The following DLGAP2 variants were observed in gnomAD, a reference collection of about 807,000 sequenced individuals.
DLGAP2 encodes disks large-associated protein 2.
In DLGAP2, 26 loss-of-function variants were observed where a neutral mutation model predicts 100.3. The observed-to-expected ratio is 0.26, with a 90% CI of 0.19 to 0.36. DLGAP2 has a LOEUF of 0.36. DLGAP2 is among the 10% of genes least tolerant of loss of function. The pLI, the probability that DLGAP2 is intolerant of heterozygous loss-of-function variation, is 1.00. For missense variants in DLGAP2, 1,858 were observed against 1,453.2 expected (o/e 1.28, Z -4.53); for synonymous variants, 886 against 630.1 (o/e 1.41, Z -6.08).
intron 3 of DLGAP2, among the ~76,000 whole-genome samples, chr8:1,382,193 C>T (rs955700050): frequency 6.6e-6 from 1 of 152,166 alleles, no homozygotes. Context: ...TGTATTCATA[C>T]AGTAAAGTAA....
intron 3 of DLGAP2, among the ~76,000 whole-genome samples, chr8:1,436,219 C>A (rs551159506): frequency 6.6e-6 from 1 of 152,198 alleles, no homozygotes; most frequent in Non-Finnish European, 1.5e-5. Flanking sequence ...GCAGGGAAGC[C>A]GGCAGTGCAG....
intron 2 of DLGAP2, among the ~76,000 whole-genome samples, chr8:1,078,191 C>T (rs1295991973): frequency 6.6e-6 from 1 of 152,154 alleles, no homozygotes; most frequent in Non-Finnish European, 1.5e-5. Context: ...AACATTTATT[C>T]ATCTAGAACA....
chr8:904,098 C>G (rs1798324450), intron 1 of DLGAP2, among the ~76,000 whole-genome samples: 1 of 152,260 alleles, frequency 6.6e-6, no homozygotes, highest in Non-Finnish European at 1.5e-5. Flanking sequence ...AGCTGAAAAT[C>G]AGTCACGTGT....
intron 4 of DLGAP2, among the ~76,000 whole-genome samples, chr8:1,513,385 G>A (rs1004177572): frequency 1.3e-5 from 2 of 150,446 alleles, no homozygotes; most frequent in Non-Finnish European, 3.0e-5. Context: ...TCCCAGTGCA[G>A]AGGAGGAAGG....
intron 2 of DLGAP2, among the ~76,000 whole-genome samples, chr8:1,118,434 A>G (rs933124414): frequency 6.6e-6 from 1 of 152,242 alleles, no homozygotes; most frequent in East Asian, 1.9e-4. Flanking sequence ...TTAGCTGCCA[A>G]GAAAAGCCTA....
At chr8:1,201,780 C>G (rs1797879435) in intron 2 of DLGAP2, among the ~76,000 whole-genome samples, 2 of 152,318 alleles carry the variant, frequency 1.3e-5, no homozygotes, top group African/African-American at 4.8e-5. Context: ...CAGGCAGCAT[C>G]CGCAGACACA....
chr8:1,622,014 C>T (rs1226484124), intron 6 of DLGAP2: 1 of 152,208 alleles, frequency 6.6e-6, no homozygotes, highest in African/African-American at 2.4e-5. Flanking sequence ...TGGAAAGAAG[C>T]CATTTTCTGA....
intron 12 of DLGAP2, among the ~76,000 whole-genome samples, chr8:1,684,470 A>G (rs1000129208): frequency 5.9e-5 from 9 of 152,114 alleles, no homozygotes; most frequent in Non-Finnish European, 1.0e-4. Context: ...ATTAAATTAA[A>G]TGTCTTATGA....
At chr8:1,226,944 G>A (rs954954712) in intron 2 of DLGAP2, among the ~76,000 whole-genome samples, 5 of 151,648 alleles carry the variant, frequency 3.3e-5, no homozygotes, top group Non-Finnish European at 7.4e-5. Context: ...ATGGAAAACA[G>A]TATCGACGTT....
intron 1 of DLGAP2, among the ~76,000 whole-genome samples, chr8:904,719 C>T (rs1195640944): frequency 5.9e-5 from 9 of 152,184 alleles, no homozygotes; most frequent in Non-Finnish European, 1.3e-4. Flanking sequence ...ACAGACACCT[C>T]GGGGTGACCG....
intron 3 of DLGAP2, among the ~76,000 whole-genome samples, chr8:1,288,382 G>T (rs1254225678): frequency 7.0e-6 from 1 of 143,706 alleles, no homozygotes. Context: ...TTTTGGTTCA[G>T]TGCGTGTGTG....
chr8:1,575,789 G>T (rs1156430126), intron 6 of DLGAP2, among the ~76,000 whole-genome samples: 1 of 151,506 alleles, frequency 6.6e-6, no homozygotes, highest in Admixed American at 6.6e-5. Context: ...CCCTACAAAG[G>T]ACATGAACTT....
intron 2 of DLGAP2, among the ~76,000 whole-genome samples, chr8:915,792 G>A (rs1008897766): frequency 2.6e-5 from 4 of 151,784 alleles, no homozygotes; most frequent in Non-Finnish European, 5.9e-5. Flanking sequence ...TTCCGTGTGT[G>A]TTAACCATGA....
chr8:1,437,244 G>T (rs1402673935), intron 3 of DLGAP2, among the ~76,000 whole-genome samples: 1 of 152,138 alleles, frequency 6.6e-6, no homozygotes, highest in Non-Finnish European at 1.5e-5. Context: ...TTCAGCCCAG[G>T]CGCGTAAGGG....
At chr8:1,493,662 G>A (rs1037051917) in intron 3 of DLGAP2, among the ~76,000 whole-genome samples, 9 of 152,156 alleles carry the variant, frequency 5.9e-5, no homozygotes, top group Admixed American at 3.9e-4. Context: ...CTAGGAAAAC[G>A]TCCTATCGGC....
chr8:1,579,919 T>C (rs1454892976), intron 6 of DLGAP2, among the ~76,000 whole-genome samples: 2 of 152,168 alleles, frequency 1.3e-5, no homozygotes, highest in African/African-American at 4.8e-5. Context: ...GGAGGTAAAG[T>C]GTGTGCTGCA....
At chr8:1,281,597 G>A (rs959167273) in intron 3 of DLGAP2, among the ~76,000 whole-genome samples, 17 of 152,168 alleles carry the variant, frequency 1.1e-4, no homozygotes, top group African/African-American at 2.4e-4. Flanking sequence ...TTTTGAGCCC[G>A]TCCTCATTCT....
At chr8:1,315,193 A>C (rs1481164787) in intron 3 of DLGAP2, among the ~76,000 whole-genome samples, 1 of 151,272 alleles carries the variant, frequency 6.6e-6, no homozygotes, top group Non-Finnish European at 1.5e-5. Context: ...ACACTCAAGA[A>C]ACTCGGCAGC....
intron 3 of DLGAP2, among the ~76,000 whole-genome samples, chr8:1,364,176 C>T (rs1018381212): frequency 2.0e-5 from 3 of 152,192 alleles, no homozygotes; most frequent in Non-Finnish European, 4.4e-5. Context: ...CATGTTGCAT[C>T]GAGGAGCCCT....
Sources: gnomAD v4.1 joint callset for allele counts (sites outside exome capture counted in the v4.1 genomes callset) on GRCh38, gnomAD v4.1.1 for gene constraint, MANE v1.5 for transcripts, NCBI Gene and HGNC (gene_info 2026-07-23, HGNC 2026-07-21) for gene names.